The following COLEC12 variants were observed in gnomAD, a reference collection of about 807,000 sequenced individuals.
COLEC12 encodes the protein collectin-12.
A neutral mutation model predicts 71.1 loss-of-function variants in COLEC12; 33 were observed. The observed-to-expected ratio is 0.46, with a 90% confidence interval of 0.35 to 0.62. The LOEUF is 0.62. Among genes scored for constraint, COLEC12 ranks in the 20% least tolerant of loss-of-function variants. COLEC12 has a pLI of 0.00. For missense variants in COLEC12, 765 were observed against 916.1 expected, an observed-to-expected ratio of 0.84 and a Z score of 2.13; for synonymous variants, 350 against 353.0, an observed-to-expected ratio of 0.99 and a Z score of 0.10.
At chr18:434,058 A>G (rs1024645138) in intron 2 of COLEC12, among the ~76,000 whole-genome samples, 2 of 152,042 alleles carry the variant, frequency 1.3e-5, no homozygotes. Flanking sequence ...GAGAAGAGCC[A>G]AATACCCTGC....
chr18:407,672 G>C (rs1486110951), intron 2 of COLEC12, among the ~76,000 whole-genome samples: 1 of 152,140 alleles, frequency 6.6e-6, no homozygotes, highest in Non-Finnish European at 1.5e-5. Flanking sequence ...CTACCAATCT[G>C]AACGTTAATC....
At chr18:370,196 T>A (rs1914970177) in intron 2 of COLEC12, among the ~76,000 whole-genome samples, 1 of 152,044 alleles carries the variant, frequency 6.6e-6, no homozygotes, top group Non-Finnish European at 1.5e-5. Context: ...CAGCAGAGAA[T>A]CAGAAAATGT....
In COLEC12 at chr18:324,233, G is replaced by A. The variant is rs937443951; in HGVS notation, c.2064-2426C>T. 3.9e-5 allele frequency among the ~76,000 whole-genome samples: 6 copies of A among 152,214 alleles called. No individual in the cohort carries two copies. In the South Asian group the frequency reaches 8.3e-4, roughly 21 times the overall value. On this transcript the variant is annotated intron_variant, in intron 8 of 9. Coordinates refer to ENST00000400256, the MANE Select transcript of COLEC12 (RefSeq NM_130386.3). ...CTGCATGTTTATAATAATATAGAAC[G>A]TAACGTGTCAAATAAGCAAAATGTA...
chr18:490,126 C>T (rs1314283311), intron 1 of COLEC12, among the ~76,000 whole-genome samples: 1 of 152,234 alleles, frequency 6.6e-6, no homozygotes, highest in African/African-American at 2.4e-5. Flanking sequence ...TGACTACACT[C>T]TTGGTAGCCA....
intron 2 of COLEC12, among the ~76,000 whole-genome samples, chr18:452,224 T>G (rs1916777038): frequency 6.6e-6 from 1 of 152,224 alleles, no homozygotes; most frequent in African/African-American, 2.4e-5. Context: ...GCTCAATATA[T>G]GATTTAGATT....
intron 2 of COLEC12, among the ~76,000 whole-genome samples, chr18:465,423 T>C (rs1182985366): frequency 6.6e-6 from 1 of 152,226 alleles, no homozygotes; most frequent in Non-Finnish European, 1.5e-5. Flanking sequence ...GAAAAGTTTG[T>C]GTTTCACATT....
chr18:490,583 A>C (rs1917602913), intron 1 of COLEC12, among the ~76,000 whole-genome samples: 1 of 152,242 alleles, frequency 6.6e-6, no homozygotes, highest in Non-Finnish European at 1.5e-5. Context: ...TTTGATAAGA[A>C]ATAATGTAAA....
In COLEC12 at chr18:406,373, G is replaced by C. The variant is rs1598353530; in HGVS notation, c.59-48851C>G. On this transcript the variant is annotated intron_variant, in intron 2 of 9. Transcript: ENST00000400256. ...AAATACAAAAAATTAGCCAGGCGCGGTGGCGGGCGCCTGTAGTCCCAGCTA... is the reference window on the plus strand; with the variant it reads ...AAATACAAAAAATTAGCCAGGCGCGCTGGCGGGCGCCTGTAGTCCCAGCTA... Among the ~76,000 whole-genome samples, 3 of 151,774 alleles carry C rather than the reference G, an allele frequency of 2.0e-5. No individual in the cohort carries two copies. In the Middle Eastern group the frequency reaches 0.01, roughly 520 times the overall value.
Position 334,799 on chromosome 18 carries a change from C to T in COLEC12, c.1759G>A (p.Gly587Arg), listed in dbSNP as rs1232330493. The stretch of plus-strand genomic sequence containing the variant: ...TGCAGGGCCAGGGGCACCACCGCTC[C>T]TGATGGGCCAGGAGGGCCGGGGGGG... ...KGPPGPPGPS[G>R]AVVPLALQNE... The change falls in exon 6 of 10, where the codon GGA becomes AGA. Residue 587 changes from glycine to arginine, a missense_variant. Gly to Arg is a moderately radical substitution (Grantham distance 125). Transcript: ENST00000400256. 3 of 1,505,268 alleles carry T rather than the reference C, an allele frequency of 2.0e-6. No individual in the cohort carries two copies. In the Admixed American group the frequency reaches 7.6e-5, roughly 38 times the overall value. 93.2% of individuals were successfully genotyped at this position (1,505,268 alleles called of 1,614,324 possible).
intron 1 of COLEC12, among the ~76,000 whole-genome samples, chr18:495,985 G>T (rs1252766098): frequency 6.6e-6 from 1 of 152,198 alleles, no homozygotes; most frequent in South Asian, 2.1e-4. Context: ...TTAAAGGGAA[G>T]TCTGTGTTAG....
At chr18:382,499 T>G (rs920467434) in intron 2 of COLEC12, among the ~76,000 whole-genome samples, 1 of 152,192 alleles carries the variant, frequency 6.6e-6, no homozygotes, top group South Asian at 2.1e-4. Context: ...AAAACGACTT[T>G]GAAAGGCTGG....
intron 2 of COLEC12, among the ~76,000 whole-genome samples, chr18:429,843 T>C (rs1916268182): frequency 1.3e-5 from 2 of 152,194 alleles, no homozygotes; most frequent in Admixed American, 1.3e-4. Flanking sequence ...TCCATCTATC[T>C]ACCCAAACTA....
In COLEC12 at chr18:346,836, C is replaced by A. The variant is rs932406881; in HGVS notation, c.786G>T (p.Val262=). ...KKDTDWLKEK[V]QSLQTLAANN... is the part of the protein sequence containing the mutation. ...TGGCAGCCAGCGTCTGCAAGCTCTG[C>A]ACTTTCTCCTTCAGCCAATCCGTGT... is the stretch of plus-strand genomic sequence containing the variant. Residue 262 remains valine, a synonymous_variant, in exon 5 of 10, where the codon GTG becomes GTT. Coordinates refer to ENST00000400256, the MANE Select transcript of COLEC12 (RefSeq NM_130386.3). The surrounding 1 kb of genome is among the most constrained non-coding windows in gnomAD (Gnocchi z 4.0). The A allele has an allele frequency of 6.2e-7, 1 of 1,614,092 alleles. No homozygotes were observed. The highest frequency in any genetic ancestry group is 1.3e-5 in the African/African-American group (1 of 74,936).
intron 2 of COLEC12, among the ~76,000 whole-genome samples, chr18:474,354 G>A (rs911604230): frequency 4.6e-5 from 7 of 152,194 alleles, no homozygotes; most frequent in Non-Finnish European, 4.4e-5. Flanking sequence ...ACGAAGGAGC[G>A]TTTAATGGTT....
In COLEC12 at chr18:468,154, C is replaced by T. The variant is rs188752735; in HGVS notation, c.58+12553G>A. On this transcript the variant is annotated intron_variant, in intron 2 of 9. Transcript: ENST00000400256. ...TCATGTGCCTGTAGTCCCAGCTGCT[C>T]GGGAGGCTGAGGCAGGAGAATCGCT... Among the ~76,000 whole-genome samples the T allele has an allele frequency of 3.9e-3, 585 of 150,846 alleles. 3 individuals are homozygous for T. Among genetic ancestry groups the T allele is most frequent in the African/African-American group, 0.013 (550 of 41,060 alleles).
At chr18:321,266 C>A (rs2143400537) in intron 9 of COLEC12, among the ~76,000 whole-genome samples, 1 of 152,302 alleles carries the variant, frequency 6.6e-6, no homozygotes, top group South Asian at 2.1e-4. Flanking sequence ...GTTGGCCAGA[C>A]TGGTCTCAAA....
chr18:482,463 G>C (rs1280237036), intron 1 of COLEC12, among the ~76,000 whole-genome samples: 1 of 151,870 alleles, frequency 6.6e-6, no homozygotes, highest in African/African-American at 2.4e-5. Flanking sequence ...CCTTTCTAGG[G>C]GACCCTGTCT....
At chr18:476,077 TA>T in intron 2 of COLEC12, among the ~76,000 whole-genome samples, 1 of 152,350 alleles carries the variant, frequency 6.6e-6, no homozygotes, top group African/African-American at 2.4e-5. Context: ...AAGTTGTGGA[TA>T]AACAAAACTA....
chr18:457,015 C>T (rs1010835484), intron 2 of COLEC12, among the ~76,000 whole-genome samples: 15 of 152,210 alleles, frequency 9.9e-5, no homozygotes, highest in African/African-American at 3.4e-4. Context: ...AGCATTTTCA[C>T]GGCATTTTGT....
Sources: gnomAD v4.1 joint callset for allele counts (sites outside exome capture counted in the v4.1 genomes callset) on GRCh38, gnomAD v4.1.1 for gene constraint, Gnocchi (gnomAD v3.1) non-coding constraint, MANE v1.5 for transcripts, NCBI Gene and HGNC (gene_info 2026-07-23, HGNC 2026-07-21) for gene names.